SPP1: variants seen among roughly 807,000 people sequenced by gnomAD.
The protein encoded by SPP1 is osteopontin.
Under a neutral mutation model 20.8 loss-of-function variants are expected in SPP1, and 18 were observed. That is an observed-to-expected ratio of 0.87 (90% CI 0.60 to 1.29). SPP1 has a LOEUF of 1.29. Ranked by LOEUF, SPP1 falls within the 50% of genes most tolerant of loss-of-function variation. The pLI is 0.00. For missense variants in SPP1, 363 were observed against 389.0 expected, an observed-to-expected ratio of 0.93 and a Z score of 0.56; for synonymous variants, 146 against 141.5, an observed-to-expected ratio of 1.03 and a Z score of -0.23.
Position 87,979,944 on chromosome 4 carries a change from G to A in SPP1, c.94-102G>A, listed in dbSNP as rs139690820. ...TACAAAAAGGTACCTAAGGGTCCGG[G>A]TGACTATATGCTTCCATCAAGACTA... is the stretch of plus-strand genomic sequence containing the variant. On this transcript the variant is annotated intron_variant, in intron 3 of 6. Coordinates refer to ENST00000395080, the MANE Select transcript of SPP1 (RefSeq NM_001040058.2). The A allele has an allele frequency of 4.1e-4, 469 of 1,157,858 alleles. 1 individual carries two copies. In the African/African-American group the frequency reaches 4.7e-3, roughly 12 times the overall value. 71.7% of individuals were successfully genotyped at this position (1,157,858 alleles called of 1,614,324 possible). A position where few individuals can be genotyped will look rare whatever the true frequency, so the allele number is the denominator to read the frequency against.
Position 87,983,023 on chromosome 4 carries a change from T to G in SPP1, c.*127T>G. ...GGTTGAATGTGTATCTATTTGAGTCTGGAAATAACTAATGTGTTTGATAAT... is the reference window on the plus strand; with the variant it reads ...GGTTGAATGTGTATCTATTTGAGTCGGGAAATAACTAATGTGTTTGATAAT... On this transcript the variant is annotated 3_prime_UTR_variant, in exon 7 of 7. Transcript: ENST00000395080. 1 of 967,738 alleles carries G rather than the reference T, an allele frequency of 1.0e-6. No homozygotes were observed. Among genetic ancestry groups the G allele is most frequent in the South Asian group, 1.8e-5 (1 of 55,662 alleles). The allele number at this position is 967,738 out of a possible 1,614,324, so 59.9% of individuals were successfully genotyped here.
In SPP1 at chr4:87,981,726, T is replaced by G; in HGVS notation, c.468T>G (p.Tyr156Ter). The G allele has an allele frequency of 6.2e-7, 1 of 1,614,180 alleles. No individual in the cohort carries two copies. The highest frequency in any genetic ancestry group is 8.5e-7 in the Non-Finnish European group (1 of 1,180,044). Residue 156 changes from tyrosine to a stop codon, truncating the protein, a stop_gained, in exon 6 of 7, where the codon TAT (tyrosine) becomes TAG (stop). Coordinates refer to ENST00000395080, the MANE Select transcript of SPP1 (RefSeq NM_001040058.2). LOFTEE classifies it high-confidence loss of function. ...CAGTTGTCCCCACAGTAGACACATATGATGGCCGAGGTGATAGTGTGGTTT... is the reference window on the plus strand; with the variant it reads ...CAGTTGTCCCCACAGTAGACACATAGGATGGCCGAGGTGATAGTGTGGTTT... ...FTPVVPTVDT[Y>*]DGRGDSVVYG...
intron 5 of SPP1, among the ~76,000 whole-genome samples, chr4:87,981,022 T>C (rs1725618138): frequency 6.6e-6 from 1 of 152,194 alleles, no homozygotes; most frequent in Admixed American, 6.5e-5. Context: ...CAATTATCCA[T>C]GTTAATAGGA....
intron 5 of SPP1, among the ~76,000 whole-genome samples, chr4:87,981,240 A>G (rs1725626163): frequency 6.6e-6 from 1 of 152,226 alleles, no homozygotes. Context: ...GAAAATATCT[A>G]TAAAAATAAT....
In SPP1 at chr4:87,980,035, CTT is replaced by C. The variant is rs768909108; in HGVS notation, c.94-6_94-5del. ...TTTTTTAATAATGATAAACATGCAA[CTT>C]TTTTGTAGCTTTACAACAAATACCC... On this transcript the variant is annotated splice_polypyrimidine_tract_variant and intron_variant, in intron 3 of 6. Coordinates refer to ENST00000395080, the MANE Select transcript of SPP1 (RefSeq NM_001040058.2). 1.2e-6 allele frequency: 2 copies of C among 1,612,492 alleles called. No homozygotes were observed. Among genetic ancestry groups the C allele is most frequent in the Non-Finnish European group, 1.7e-6 (2 of 1,179,574 alleles).
chr4:87,976,051 A>T (rs1038784100), intron 1 of SPP1, among the ~76,000 whole-genome samples: 1 of 152,248 alleles, frequency 6.6e-6, no homozygotes, highest in African/African-American at 2.4e-5. Flanking sequence ...CACCGATGCT[A>T]ATCAGAAAAT....
chr4:87,979,651 A>G (rs1725566417), intron 3 of SPP1, among the ~76,000 whole-genome samples: 1 of 152,216 alleles, frequency 6.6e-6, no homozygotes, highest in Non-Finnish European at 1.5e-5. Context: ...GCCAGCAAAC[A>G]TACAAAAAGA....
intron 3 of SPP1, among the ~76,000 whole-genome samples, chr4:87,978,461 T>C (rs1054069990): frequency 6.9e-6 from 1 of 145,652 alleles, no homozygotes. Context: ...AGTGGTGTGA[T>C]CTCGGCTCAC....
In SPP1 at chr4:87,980,099, T is replaced by A. The variant is rs1725583142; in HGVS notation, c.147T>A (p.Ser49=). 1 of 1,614,048 alleles carries A rather than the reference T, an allele frequency of 6.2e-7. No individual in the cohort carries two copies. The highest frequency in any genetic ancestry group is 8.5e-7 in the Non-Finnish European group (1 of 1,180,036). ...CCACATGGCTAAACCCTGACCCATC[T>A]CAGAAGCAGAATCTCCTAGCCCCAC... The part of the protein sequence containing the change: ...AVATWLNPDP[S]QKQNLLAPQN... The change falls in exon 4 of 7, where the codon TCT becomes TCA. Residue 49 remains serine, a synonymous_variant. Coordinates refer to ENST00000395080, the MANE Select transcript of SPP1 (RefSeq NM_001040058.2).
In SPP1 at chr4:87,982,674, G is replaced by A. The variant is rs1223902963; in HGVS notation, c.723G>A (p.Lys241=). The part of the protein sequence containing the change: ...DDQSAETHSH[K]QSRLYKRKAN... The stretch of plus-strand genomic sequence containing the variant: ...AGAGTGCTGAAACCCACAGCCACAA[G>A]CAGTCCAGATTATATAAGCGGAAAG... The change falls in exon 7 of 7, where the codon AAG becomes AAA. Residue 241 remains lysine (K), a synonymous_variant. Coordinates refer to ENST00000395080, the MANE Select transcript of SPP1 (RefSeq NM_001040058.2). 2 of 1,614,102 alleles carry A rather than the reference G, an allele frequency of 1.2e-6. No homozygotes were observed. The highest frequency in any genetic ancestry group is 1.6e-4 in the Middle Eastern group (1 of 6,062).
chr4:87,982,996 T>A lies in SPP1; in HGVS notation c.*100T>A, dbSNP rs1346491923. 1 of 1,183,780 alleles carries A rather than the reference T, an allele frequency of 8.4e-7. No individual in the cohort carries two copies. The allele number at this position is 1,183,780 out of a possible 1,614,324, so 73.3% of individuals were successfully genotyped here. On this transcript the variant is annotated 3_prime_UTR_variant, in exon 7 of 7. Coordinates refer to ENST00000395080, the MANE Select transcript of SPP1 (RefSeq NM_001040058.2). ...CATGAAATGCTTCTTTCTCAGTTTA[T>A]TGGTTGAATGTGTATCTATTTGAGT...
chr4:87,981,606 TTCTCACCAGTCTGATGAG>T lies in SPP1; in HGVS notation c.357_374del (p.Gln119_His124del). ...CTGATGATGTAGATGACACTGATGA[TTCTCACCAGTCTGATGAG>T]TCTCACCATTCTGATGAATCTGATG... On this transcript the variant is annotated inframe_deletion, in exon 6 of 7. Coordinates refer to ENST00000395080, the MANE Select transcript of SPP1 (RefSeq NM_001040058.2). 6.2e-7 allele frequency: 1 copy of T among 1,614,180 alleles called. No individual in the cohort carries two copies. Among genetic ancestry groups the T allele is most frequent in the Non-Finnish European group, 8.5e-7 (1 of 1,180,022 alleles).
intron 5 of SPP1, chr4:87,980,687 G>C (rs1297611825): frequency 8.0e-6 from 4 of 497,756 alleles, no homozygotes; most frequent in Non-Finnish European, 1.4e-5. Context: ...ATTTATTTAA[G>C]GTATTTTGTA....
At chr4:87,982,387 A>C (rs1273692808) in intron 6 of SPP1, 105 bp from the exon 7 acceptor site, 9 of 1,382,244 alleles carry the variant, frequency 6.5e-6, no homozygotes, top group Non-Finnish European at 8.8e-6. Flanking sequence ...AGATTTAGAC[A>C]ATTTTTAGTA....
At position 87,976,953 on chromosome 4, in the gene SPP1, A is replaced by G. The variant is rs1725403620; in HGVS notation, c.54+4A>G. ...AGGCATCACCTGTGCCATACCAGTGAGTACAGTTGCATCTTAAAGAAAATT... is the reference window on the plus strand; with the variant it reads ...AGGCATCACCTGTGCCATACCAGTGGGTACAGTTGCATCTTAAAGAAAATT... On this transcript the variant is annotated splice_donor_region_variant and intron_variant, in intron 2 of 6. Coordinates refer to ENST00000395080, the MANE Select transcript of SPP1 (RefSeq NM_001040058.2). 4.3e-6 allele frequency: 7 copies of G among 1,613,522 alleles called. No individual in the cohort carries two copies. Among genetic ancestry groups the G allele is most frequent in the Non-Finnish European group, 5.9e-6 (7 of 1,179,540 alleles).
In SPP1 at chr4:87,982,053, T is replaced by C. The variant is rs563721323; in HGVS notation, c.540+255T>C. Among the ~76,000 whole-genome samples, 5 of 152,216 alleles carry C rather than the reference T, an allele frequency of 3.3e-5. No individual in the cohort carries two copies. The South Asian group carries it at 8.3e-4, about 25-fold the overall frequency. The stretch of plus-strand genomic sequence containing the variant: ...AAATCCTGGATCACTTATTTTCAGA[T>C]TAAAATAAATGGAAAACACCAATTA... On this transcript the variant is annotated intron_variant, in intron 6 of 6. Coordinates refer to ENST00000395080, the MANE Select transcript of SPP1 (RefSeq NM_001040058.2).
At chr4:87,977,664 C>A in intron 3 of SPP1, 3 of 1,191,958 alleles carry the variant, frequency 2.5e-6, no homozygotes, top group Non-Finnish European at 3.2e-6. Context: ...TTGACCAGCA[C>A]TAAAGATGTA....
rs1374245862 is a variant in SPP1 at position 87,982,581 on chromosome 4, C to T, written c.630C>T (p.Asp210=). The T allele has an allele frequency of 6.2e-7, 1 of 1,614,118 alleles. No homozygotes were observed. The highest frequency in any genetic ancestry group is 2.2e-5 in the East Asian group (1 of 44,870). ...GAYKAIPVAQ[D]LNAPSDWDSR... ...ACAAGGCCATCCCCGTTGCCCAGGA[C>T]CTGAACGCGCCTTCTGATTGGGACA... Residue 210 remains aspartate (D), a synonymous_variant, in exon 7 of 7, where the codon GAC becomes GAT. Transcript: ENST00000395080.
Position 87,982,852 on chromosome 4 carries a change from C to T in SPP1, c.901C>T (p.Arg301Cys), listed in dbSNP as rs11544553. 9.3e-6 allele frequency: 15 copies of T among 1,613,856 alleles called. No individual in the cohort carries two copies. Among genetic ancestry groups the T allele is most frequent in the East Asian group, 4.5e-5 (2 of 44,900 alleles). ...SKEEDKHLKF[R>C]ISHELDSASS... ...GGAAGAAGATAAACACCTGAAATTTCGTATTTCTCATGAATTAGATAGTGC... is the reference window on the plus strand; with the variant it reads ...GGAAGAAGATAAACACCTGAAATTTTGTATTTCTCATGAATTAGATAGTGC... Residue 301 changes from arginine (R) to cysteine (C), a missense_variant, in exon 7 of 7, where the codon CGT (arginine) becomes TGT (cysteine). By Grantham distance (180) the Arg-to-Cys change is radical. Transcript: ENST00000395080.
Sources: allele counts gnomAD v4.1 joint callset (sites outside exome capture counted in the v4.1 genomes callset), GRCh38; gene constraint gnomAD v4.1.1; transcripts MANE v1.5; gene names NCBI Gene and HGNC (gene_info 2026-07-23, HGNC 2026-07-21).